Variants in NAALADL2 observed in about 807,000 individuals in gnomAD.
NAALADL2 encodes N-acetylated alpha-linked acidic dipeptidase like 2, also known as inactive N-acetylated-alpha-linked acidic dipeptidase-like protein 2.
NAALADL2 carries 76 observed loss-of-function variants against 87.2 expected under a neutral mutation model. The ratio of observed to expected loss-of-function variants is 0.87; its 90% CI spans 0.72 to 1.05. The LOEUF (loss-of-function observed/expected upper bound fraction) is 1.05. Ranked by LOEUF, NAALADL2 falls within the 50% of genes least tolerant of loss-of-function variation. The pLI is 0.00. For synonymous variants in NAALADL2, 354 were observed against 331.0 expected (o/e 1.07, Z -0.75); for missense variants, 1,089 against 945.8 (o/e 1.15, Z -1.99).
At chr3:174,570,952 G>T (rs1308252823) in intron 2 of NAALADL2, among the ~76,000 whole-genome samples, 14 of 151,796 alleles carry the variant, frequency 9.2e-5, no homozygotes, top group Non-Finnish European at 1.6e-4. Context: ...ACTTATAATC[G>T]AGTGCATCTA....
intron 9 of NAALADL2, among the ~76,000 whole-genome samples, chr3:175,521,901 C>T (rs191054306): frequency 7.2e-4 from 109 of 152,160 alleles, no homozygotes; most frequent in Non-Finnish European, 7.6e-4. Context: ...GAAATAAATA[C>T]GGAAGAAAAT....
chr3:175,168,402 G>T (rs189915582), intron 2 of NAALADL2, among the ~76,000 whole-genome samples: 1 of 151,816 alleles, frequency 6.6e-6, no homozygotes, highest in African/African-American at 2.4e-5. Context: ...GACTTTTCTG[G>T]CATGTTAGCA....
At chr3:174,960,857 G>C (rs1306781018) in intron 1 of NAALADL2, among the ~76,000 whole-genome samples, 1 of 151,610 alleles carries the variant, frequency 6.6e-6, no homozygotes, top group Non-Finnish European at 1.5e-5. Context: ...AGTTTCATAA[G>C]TATGCATTTT....
intron 1 of NAALADL2, among the ~76,000 whole-genome samples, chr3:174,971,353 C>A (rs1743614503): frequency 6.6e-6 from 1 of 152,154 alleles, no homozygotes; most frequent in East Asian, 1.9e-4. Context: ...GTAAAAATTT[C>A]TTTCTTCGTG....
chr3:175,580,996 AAATT>A (rs1366029685), intron 10 of NAALADL2, among the ~76,000 whole-genome samples: 1 of 152,130 alleles, frequency 6.6e-6, no homozygotes, highest in Non-Finnish European at 1.5e-5. Flanking sequence ...ATCAATAACT[AAATT>A]AGTATTACAT....
At chr3:175,514,431 T>C (rs1731573808) in intron 9 of NAALADL2, among the ~76,000 whole-genome samples, 1 of 152,240 alleles carries the variant, frequency 6.6e-6, no homozygotes. Flanking sequence ...ATTGTTTTTA[T>C]CTTCTTTATG....
intron 2 of NAALADL2, among the ~76,000 whole-genome samples, chr3:174,607,024 A>G (rs1719157475): frequency 6.6e-6 from 1 of 152,208 alleles, no homozygotes; most frequent in Non-Finnish European, 1.5e-5. Flanking sequence ...ACATTCTTAA[A>G]GAAAAGAATT....
At chr3:175,001,621 C>T (rs11708692) in intron 1 of NAALADL2, among the ~76,000 whole-genome samples, 8,219 of 151,956 alleles carry the variant, frequency 0.054, 275 homozygotes, top group East Asian at 0.12. Flanking sequence ...CCTTGTTTTT[C>T]GTAATACCCT....
chr3:175,269,325 T>A (rs1367210819), intron 4 of NAALADL2, among the ~76,000 whole-genome samples: 5 of 152,174 alleles, frequency 3.3e-5, no homozygotes, highest in Admixed American at 3.3e-4. Flanking sequence ...ACCACTAATA[T>A]AGTTGATTAT....
intron 1 of NAALADL2, among the ~76,000 whole-genome samples, chr3:174,877,951 G>A (rs899906431): frequency 6.6e-6 from 1 of 152,086 alleles, no homozygotes; most frequent in Non-Finnish European, 1.5e-5. Context: ...GACTCATGTA[G>A]TTAGAGATGG....
At chr3:175,339,068 G>A (rs771294963) in intron 5 of NAALADL2, among the ~76,000 whole-genome samples, 1 of 152,228 alleles carries the variant, frequency 6.6e-6, no homozygotes, top group African/African-American at 2.4e-5. Context: ...CCCTGAAGGA[G>A]TGGGGAACAA....
At chr3:175,709,995 A>T (rs956303227) in intron 11 of NAALADL2, among the ~76,000 whole-genome samples, 2 of 152,070 alleles carry the variant, frequency 1.3e-5, no homozygotes, top group African/African-American at 4.8e-5. Context: ...CCCACAGAAA[A>T]TAGGGAAAAG....
At chr3:174,606,704 T>A (rs1295026460) in intron 2 of NAALADL2, among the ~76,000 whole-genome samples, 1 of 152,166 alleles carries the variant, frequency 6.6e-6, no homozygotes, top group African/African-American at 2.4e-5. Context: ...TTGGTGTACC[T>A]GAAAGTGATG....
At chr3:175,466,068 A>C (rs531905506) in intron 7 of NAALADL2, among the ~76,000 whole-genome samples, 3 of 152,304 alleles carry the variant, frequency 2.0e-5, no homozygotes, top group Admixed American at 2.0e-4. Context: ...TTCCAAGGTC[A>C]CACAACTAGT....
intron 9 of NAALADL2, among the ~76,000 whole-genome samples, chr3:175,494,918 CTTA>C (rs1728593537): frequency 6.6e-6 from 1 of 151,512 alleles, no homozygotes; most frequent in Non-Finnish European, 1.5e-5. Context: ...CTCCAAATTC[CTTA>C]TTTTTTCAAG....
At chr3:175,223,251 C>G (rs1387434224) in intron 2 of NAALADL2, among the ~76,000 whole-genome samples, 1 of 151,688 alleles carries the variant, frequency 6.6e-6, no homozygotes, top group African/African-American at 2.4e-5. Context: ...ACGTTTGTAC[C>G]TTTTCATCAA....
At chr3:174,964,317 C>T (rs1156490554) in intron 1 of NAALADL2, among the ~76,000 whole-genome samples, 1 of 151,820 alleles carries the variant, frequency 6.6e-6, no homozygotes, top group Non-Finnish European at 1.5e-5. Context: ...TTTGGACATG[C>T]TAAATTTAAG....
intron 1 of NAALADL2, among the ~76,000 whole-genome samples, chr3:174,444,545 A>G (rs1714899352): frequency 6.6e-6 from 1 of 152,160 alleles, no homozygotes; most frequent in African/African-American, 2.4e-5. Context: ...ATTACAAGAT[A>G]AAAGGGGAAA....
intron 10 of NAALADL2, among the ~76,000 whole-genome samples, chr3:175,591,949 G>T (rs1455163185): frequency 1.3e-5 from 2 of 151,832 alleles, no homozygotes; most frequent in Admixed American, 1.3e-4. Context: ...AATAAAATCT[G>T]AGGCTGTAGC....
Sources: allele counts gnomAD v4.1 joint callset (sites outside exome capture counted in the v4.1 genomes callset), GRCh38; gene constraint gnomAD v4.1.1; transcripts MANE v1.5; gene names NCBI Gene and HGNC (gene_info 2026-07-23, HGNC 2026-07-21).